The following PTK2 variants were observed in gnomAD, a reference collection of about 807,000 sequenced individuals.
The protein encoded by PTK2 is focal adhesion kinase 1.
Under a neutral mutation model 150.1 loss-of-function variants are expected in PTK2, and 45 were observed. That is an observed-to-expected ratio of 0.30 (90% confidence interval 0.24 to 0.38). PTK2 has a LOEUF of 0.38. Among genes scored for constraint, PTK2 ranks in the 10% least tolerant of loss-of-function variants. The pLI, the probability that PTK2 is intolerant of heterozygous loss-of-function variation, is 1.00. For synonymous variants in PTK2, 432 were observed against 449.2 expected, an observed-to-expected ratio of 0.96 and a Z score of 0.48; for missense variants, 919 against 1,307.3, an observed-to-expected ratio of 0.70 and a Z score of 4.58.
intron 7 of PTK2, among the ~76,000 whole-genome samples, chr8:140,841,648 G>T (rs2100122445): frequency 6.6e-6 from 1 of 152,002 alleles, no homozygotes; most frequent in Admixed American, 6.5e-5. Context: ...ACACATAGTT[G>T]AAAGAAAATG....
At chr8:140,929,186 C>T (rs556433738) in intron 1 of PTK2, among the ~76,000 whole-genome samples, 4 of 151,088 alleles carry the variant, frequency 2.6e-5, no homozygotes, top group East Asian at 1.9e-4. Context: ...GGGATGGTCT[C>T]GATCTCCTGA....
In PTK2 at chr8:140,902,147, C is replaced by A. The variant is rs144880067; in HGVS notation, c.-32-11378G>T. 3.6e-3 allele frequency among the ~76,000 whole-genome samples: 541 copies of A among 152,180 alleles called. 4 individuals are homozygous for A. Among genetic ancestry groups the A allele is most frequent in the African/African-American group, 0.012 (513 of 41,516 alleles). Reference sequence around the variant, plus strand: ...CCCCCGGGTTCCAGTGATTCTCCTGCCTCAGCCTCCTGGGTAGCTGGGATT... The same window carrying A: ...CCCCCGGGTTCCAGTGATTCTCCTGACTCAGCCTCCTGGGTAGCTGGGATT... On this transcript the variant is annotated intron_variant, in intron 2 of 31. Transcript: ENST00000522684.
intron 25 of PTK2, 93 bp from the exon 29 acceptor site, chr8:140,701,115 A>C: frequency 7.3e-7 from 1 of 1,373,200 alleles, no homozygotes; most frequent in Non-Finnish European, 9.8e-7. Context: ...AAAGATAAGC[A>C]AAACAGCAAG....
At chr8:140,731,833 G>A (rs372937897) in intron 22 of PTK2, among the ~76,000 whole-genome samples, 1 of 152,146 alleles carries the variant, frequency 6.6e-6, no homozygotes, top group Non-Finnish European at 1.5e-5. Context: ...AGCATGGGAG[G>A]TGGAGGTTGC....
chr8:140,817,887 G>C (rs1304105380), intron 10 of PTK2, among the ~76,000 whole-genome samples: 1 of 152,048 alleles, frequency 6.6e-6, no homozygotes, highest in South Asian at 2.1e-4. Flanking sequence ...AGAGAATTGT[G>C]AATGTATAAT....
chr8:140,669,575 C>A lies in PTK2; in HGVS notation c.2710-1151G>T, dbSNP rs2094494025. On this transcript the variant is annotated intron_variant, in intron 29 of 31. Transcript: ENST00000522684. ...TCTCATTCTTTTGCATATATAAACA[C>A]TGCTTTTGGCATCTGTCAGTCATGA... 5.4e-6 allele frequency: 4 copies of A among 743,690 alleles called. No individual in the cohort carries two copies. The South Asian group carries it at 7.3e-5, about 14-fold the overall frequency. The allele number at this position is 743,690 out of a possible 1,614,324, so 46.1% of individuals were successfully genotyped here. A position where few individuals can be genotyped will look rare whatever the true frequency, so the allele number is the denominator to read the frequency against.
At chr8:140,893,989 C>T (rs2100155109) in intron 2 of PTK2, among the ~76,000 whole-genome samples, 1 of 152,102 alleles carries the variant, frequency 6.6e-6, no homozygotes, top group Non-Finnish European at 1.5e-5. Flanking sequence ...TCCAGCAATT[C>T]CACTTCTAGG....
At chr8:140,998,669 A>C (rs2100198728) in intron 1 of PTK2, among the ~76,000 whole-genome samples, 1 of 151,810 alleles carries the variant, frequency 6.6e-6, no homozygotes, top group Non-Finnish European at 1.5e-5. Flanking sequence ...AATACAAAAA[A>C]TTAGCCGGGC....
chr8:140,816,153 CAAT>C (rs1162351909), intron 10 of PTK2, among the ~76,000 whole-genome samples: 1 of 152,026 alleles, frequency 6.6e-6, no homozygotes, highest in Non-Finnish European at 1.5e-5. Context: ...GTATGTTAAA[CAAT>C]AATCAAGAAT....
At chr8:140,698,924 ATTTTTTTTTT>A in intron 26 of PTK2, among the ~76,000 whole-genome samples, 1 of 96,186 alleles carries the variant, frequency 1.0e-5, no homozygotes, top group South Asian at 3.7e-4. Flanking sequence ...TAATTTTTGT[ATTTTTTTTTT>A]TTTTTTTTTT....
At position 140,970,932 on chromosome 8, in the gene PTK2, A is replaced by G. The variant is rs2100187039; in HGVS notation, c.-122+30193T>C. Among the ~76,000 whole-genome samples, 4 of 152,164 alleles carry G rather than the reference A, an allele frequency of 2.6e-5. No homozygotes were observed. In the South Asian group the frequency reaches 8.3e-4, roughly 32 times the overall value. On this transcript the variant is annotated intron_variant, in intron 1 of 31. Transcript: ENST00000522684. ...AACAAAAAACTTGCTTAAGACTATA[A>G]GCTTTTCAATAAGAACAGTTGCTCA...
At chr8:140,788,367 T>C (rs1348470381) in intron 14 of PTK2, among the ~76,000 whole-genome samples, 1 of 152,098 alleles carries the variant, frequency 6.6e-6, no homozygotes, top group Non-Finnish European at 1.5e-5. Flanking sequence ...TTATGGGACA[T>C]TTGTGCACCA....
At chr8:140,971,429 A>G (rs569778016) in intron 1 of PTK2, among the ~76,000 whole-genome samples, 1 of 152,338 alleles carries the variant, frequency 6.6e-6, no homozygotes, top group Admixed American at 6.5e-5. Flanking sequence ...GAGTATCTTG[A>G]CTTGGCCTAC....
At chr8:140,742,010 C>A (rs1466083758) in intron 20 of PTK2, among the ~76,000 whole-genome samples, 3 of 152,160 alleles carry the variant, frequency 2.0e-5, no homozygotes, top group African/African-American at 7.2e-5. Context: ...GTGGCGCACG[C>A]CCGTAGTACC....
intron 10 of PTK2, among the ~76,000 whole-genome samples, chr8:140,815,132 T>C (rs1004031485): frequency 1.3e-5 from 2 of 151,486 alleles, no homozygotes; most frequent in Non-Finnish European, 2.9e-5. Flanking sequence ...CTATTCACAA[T>C]AGCCAAGACA....
intron 1 of PTK2, among the ~76,000 whole-genome samples, chr8:140,987,321 C>A (rs2100193665): frequency 6.6e-6 from 1 of 152,134 alleles, no homozygotes; most frequent in Non-Finnish European, 1.5e-5. Context: ...GCTGGAATTA[C>A]AAGCGTCCGC....
Position 140,907,556 on chromosome 8 carries a change from T to A in PTK2, c.-32-16787A>T, listed in dbSNP as rs542623336. On this transcript the variant is annotated intron_variant, in intron 2 of 31. Transcript: ENST00000522684. ...ATAATTCATCCAACTGCCTTTTTTT[T>A]AAAACAAAAACAACAACAACAAAAA... is the stretch of plus-strand genomic sequence containing the variant. 2.4e-3 allele frequency among the ~76,000 whole-genome samples: 362 copies of A among 152,040 alleles called. 1 individual carries two copies. Among genetic ancestry groups the A allele is most frequent in the Non-Finnish European group, 4.4e-3 (299 of 67,956 alleles).
At chr8:140,959,456 G>A (rs1332907077) in intron 1 of PTK2, among the ~76,000 whole-genome samples, 4 of 150,316 alleles carry the variant, frequency 2.7e-5, no homozygotes, top group South Asian at 2.1e-4. Context: ...AGAGAATGGC[G>A]TGAACCCAGG....
At chr8:140,949,577 G>A (rs868711193) in intron 1 of PTK2, among the ~76,000 whole-genome samples, 23 of 152,352 alleles carry the variant, frequency 1.5e-4, no homozygotes, top group Non-Finnish European at 1.8e-4. Context: ...ACCTGGCCGA[G>A]TATGCACATG....
Sources: gnomAD v4.1 joint callset for allele counts (sites outside exome capture counted in the v4.1 genomes callset) on GRCh38, gnomAD v4.1.1 for gene constraint, MANE v1.5 for transcripts, NCBI Gene and HGNC (gene_info 2026-07-23, HGNC 2026-07-21) for gene names.